Variants in GXYLT2 observed in about 807,000 individuals in gnomAD.
The protein encoded by GXYLT2 is glycosyltransferase 8 domain containing 4.
In GXYLT2, 53 loss-of-function variants were observed where a neutral mutation model predicts 45.8. That is an observed-to-expected ratio of 1.16 (90% confidence interval 0.93 to 1.46). GXYLT2 has a LOEUF of 1.46. GXYLT2 is among the 40% of genes most tolerant of loss of function. The probability of loss-of-function intolerance (pLI) is 0.00; values close to 1 mark genes in which losing one functional copy is unlikely to be tolerated. For missense variants in GXYLT2, 551 were observed against 544.4 expected (o/e 1.01, Z -0.12); for synonymous variants, 219 against 214.2 (o/e 1.02, Z -0.19).
chr3:72,952,291 A>G (rs1196169883), intron 3 of GXYLT2, among the ~76,000 whole-genome samples: 1 of 151,974 alleles, frequency 6.6e-6, no homozygotes, highest in African/African-American at 2.4e-5. Context: ...AGAATCTTCA[A>G]ATTCTTAAAA....
chr3:72,942,086 T>C (rs928393244), intron 3 of GXYLT2, among the ~76,000 whole-genome samples: 1 of 152,022 alleles, frequency 6.6e-6, no homozygotes, highest in South Asian at 2.1e-4. Context: ...TTTTTAATAA[T>C]AAAAATAATT....
intron 1 of GXYLT2, among the ~76,000 whole-genome samples, chr3:72,897,716 G>A (rs1709320759): frequency 2.6e-5 from 4 of 152,162 alleles, no homozygotes; most frequent in Admixed American, 1.3e-4. Context: ...GGAAACTGAG[G>A]GCTAAAGGTG....
intron 6 of GXYLT2, among the ~76,000 whole-genome samples, chr3:72,971,374 T>A (rs1043718024): frequency 1.3e-5 from 2 of 152,198 alleles, no homozygotes; most frequent in Non-Finnish European, 2.9e-5. Context: ...AGAGACTCCA[T>A]CATAAAAGAT....
intron 3 of GXYLT2, among the ~76,000 whole-genome samples, chr3:72,944,014 T>C (rs1015376418): frequency 6.6e-6 from 1 of 152,174 alleles, no homozygotes; most frequent in African/African-American, 2.4e-5. Context: ...TATAATTTGA[T>C]TTTTTATACA....
intron 1 of GXYLT2, among the ~76,000 whole-genome samples, chr3:72,901,205 C>T (rs1402638601): frequency 2.0e-5 from 3 of 151,156 alleles, no homozygotes; most frequent in Admixed American, 1.3e-4. Context: ...AGGAGAATTG[C>T]TTGAACCTGG....
chr3:72,954,399 CTGTGTGTGTGTG>C (rs3078688), intron 3 of GXYLT2, among the ~76,000 whole-genome samples: 16 of 133,892 alleles, frequency 1.2e-4, no homozygotes, highest in African/African-American at 3.8e-4. Context: ...TGCTCCCAGC[CTGTGTGTGTGTG>C]TGTGTGTGTG....
intron 3 of GXYLT2, among the ~76,000 whole-genome samples, chr3:72,953,548 C>G (rs1344341782): frequency 2.6e-5 from 4 of 152,076 alleles, no homozygotes; most frequent in African/African-American, 9.7e-5. Context: ...CCTCGGCCTC[C>G]CAAAGTGCTA....
At chr3:72,912,007 A>T (rs1246906615) in intron 2 of GXYLT2, among the ~76,000 whole-genome samples, 3 of 125,020 alleles carry the variant, frequency 2.4e-5, no homozygotes, top group African/African-American at 1.2e-4. Flanking sequence ...ATATATATAT[A>T]TATATATTTT....
At chr3:72,909,685 C>T (rs962642644) in intron 2 of GXYLT2, among the ~76,000 whole-genome samples, 2 of 152,072 alleles carry the variant, frequency 1.3e-5, no homozygotes, top group African/African-American at 4.8e-5. Context: ...TTCCAGTACA[C>T]AAAAAGAGCT....
At chr3:72,908,624 C>A in intron 2 of GXYLT2, 65 bp downstream of exon 2, 2 of 1,260,842 alleles carry the variant, frequency 1.6e-6, no homozygotes, top group Non-Finnish European at 2.2e-6. Flanking sequence ...TTAGGAACTG[C>A]ATATTCTGTT....
At chr3:72,918,524 A>T (rs1394491873) in intron 2 of GXYLT2, among the ~76,000 whole-genome samples, 6 of 152,100 alleles carry the variant, frequency 3.9e-5, no homozygotes, top group Admixed American at 3.9e-4. Flanking sequence ...GAAGGCATTA[A>T]CTCAAAAAAA....
intron 2 of GXYLT2, among the ~76,000 whole-genome samples, chr3:72,913,089 G>A (rs369455516): frequency 6.7e-6 from 1 of 150,200 alleles, no homozygotes; most frequent in African/African-American, 2.4e-5. Flanking sequence ...CCAGGTGGGA[G>A]TGCAGTGGCG....
rs774756808 is a variant in GXYLT2, at chr3:72,967,556, A to G, written c.986A>G (p.Tyr329Cys). The change falls in exon 6 of 7, where the codon TAT becomes TGT. Residue 329 changes from tyrosine (Y) to cysteine (C), a missense_variant. Physicochemically the swap from Tyr to Cys is radical, Grantham distance 194. Coordinates refer to ENST00000389617, the MANE Select transcript of GXYLT2 (RefSeq NM_001080393.2). ...IIFYFNPECL[Y>C]VFPCQWNYRP... The stretch of plus-strand genomic sequence containing the variant: ...CTCTTTTTACCACCAGAGTGTCTCT[A>G]TGTATTCCCCTGCCAGTGGAACTAC... 3.1e-5 allele frequency: 50 copies of G among 1,613,322 alleles called. 1 individual carries two copies. Among genetic ancestry groups the G allele is most frequent in the Non-Finnish European group, 3.9e-5 (46 of 1,179,516 alleles).
At chr3:72,889,664 T>C (rs1709140509) in intron 1 of GXYLT2, among the ~76,000 whole-genome samples, 2 of 152,202 alleles carry the variant, frequency 1.3e-5, no homozygotes, top group Non-Finnish European at 2.9e-5. Context: ...CCCTCTTCTA[T>C]ACTGGAGTTT....
Position 72,922,328 on chromosome 3 carries a change from T to G in GXYLT2, c.593T>G (p.Phe198Cys). ...AAACCCTGTGCTGCCCAGAGACTCT[T>G]TCTTCCGGTAGGAACACCTGTTTTT... ...LFKPCAAQRL[F>C]LPVILKDVDS... The change falls in exon 3 of 7, where the codon TTT becomes TGT. Residue 198 changes from phenylalanine (F) to cysteine (C), a missense_variant. Phe to Cys is a radical substitution (Grantham distance 205). Coordinates refer to ENST00000389617, the MANE Select transcript of GXYLT2 (RefSeq NM_001080393.2). 8 of 1,611,160 alleles carry G rather than the reference T, an allele frequency of 5.0e-6. No individual in the cohort carries two copies. Among genetic ancestry groups the G allele is most frequent in the Middle Eastern group, 1.7e-4 (1 of 6,044 alleles).
intron 3 of GXYLT2, among the ~76,000 whole-genome samples, chr3:72,930,592 C>CTTTTTTTTTTTT (rs71126806): frequency 3.9e-5 from 4 of 101,612 alleles, no homozygotes; most frequent in Admixed American, 1.3e-4. Flanking sequence ...TCTTCTTCTT[C>CTTTTTTTTTTTT]TTTTTTTTTT....
At chr3:72,933,029 G>A (rs1237279950) in intron 3 of GXYLT2, among the ~76,000 whole-genome samples, 1 of 152,154 alleles carries the variant, frequency 6.6e-6, no homozygotes, top group African/African-American at 2.4e-5. Context: ...TCATAGTGTT[G>A]TGAAAATTCA....
At position 72,974,964 on chromosome 3, in the gene GXYLT2, TGTCA is replaced by T; in HGVS notation, c.1150-12_1150-9del. The T allele has an allele frequency of 6.5e-7, 1 of 1,527,100 alleles. No homozygotes were observed. The highest frequency in any genetic ancestry group is 8.8e-7 in the Non-Finnish European group (1 of 1,133,798). 94.6% of individuals were successfully genotyped at this position (1,527,100 alleles called of 1,614,324 possible). A position where few individuals can be genotyped will look rare whatever the true frequency, so the allele number is the denominator to read the frequency against. On this transcript the variant is annotated splice_polypyrimidine_tract_variant and intron_variant, in intron 6 of 6. Coordinates refer to ENST00000389617, the MANE Select transcript of GXYLT2 (RefSeq NM_001080393.2). ...TCCGTTACTAAATAAACTTTTTTTT[TGTCA>T]TCTTTCAGTTTCCCTTTCAAGACAA...
At chr3:72,895,943 A>G (rs1709283470) in intron 1 of GXYLT2, among the ~76,000 whole-genome samples, 1 of 152,222 alleles carries the variant, frequency 6.6e-6, no homozygotes, top group Admixed American at 6.5e-5. Context: ...ACAATAGAGA[A>G]TACATAATCC....
Sources: allele counts gnomAD v4.1 joint callset (sites outside exome capture counted in the v4.1 genomes callset), GRCh38; gene constraint gnomAD v4.1.1; transcripts MANE v1.5; gene names NCBI Gene and HGNC (gene_info 2026-07-23, HGNC 2026-07-21).